ZNF560: variants seen among roughly 807,000 people sequenced by gnomAD.
ZNF560 encodes zinc finger protein 560.
Under a neutral mutation model 81.8 loss-of-function variants are expected in ZNF560, and 54 were observed. The observed-to-expected ratio is 0.66, with a 90% CI of 0.53 to 0.83. The LOEUF (loss-of-function observed/expected upper bound fraction) is 0.83, where lower values mean the gene tolerates loss of function less well. Ranked by LOEUF, ZNF560 falls within the 40% of genes least tolerant of loss-of-function variation. ZNF560 has a pLI of 0.00. For synonymous variants in ZNF560, 321 were observed against 317.9 expected, an observed-to-expected ratio of 1.01 and a Z score of -0.10; for missense variants, 940 against 932.4, an observed-to-expected ratio of 1.01 and a Z score of -0.11.
rs768519538 is a variant in ZNF560 at position 9,466,787 on chromosome 19, G to A, written c.2160C>T (p.Ala720=). The change falls in exon 10 of 10, where the codon GCC becomes GCT. Residue 720 remains alanine, a synonymous_variant. Transcript: ENST00000301480. Reference sequence around the variant, plus strand: ...TAGTAAGATCTGAATGACAAGTGAAGGCTTTCCCACAGTCCTTACATTTAT... The same window carrying A: ...TAGTAAGATCTGAATGACAAGTGAAAGCTTTCCCACAGTCCTTACATTTAT... ...KPYKCKDCGK[A]FTCHSDLTNH... is the part of the protein sequence containing the mutation. The A allele has an allele frequency of 6.2e-6, 10 of 1,613,984 alleles. No homozygotes were observed.
chr19:9,480,160 G>A (rs2073264279), intron 2 of ZNF560, among the ~76,000 whole-genome samples: 1 of 152,116 alleles, frequency 6.6e-6, no homozygotes, highest in South Asian at 2.1e-4. Flanking sequence ...TCCAACAGCA[G>A]CAAAATACAC....
Position 9,475,329 on chromosome 19 carries a change from T to A in ZNF560, c.-16A>T. 1 of 1,613,604 alleles carries A rather than the reference T, an allele frequency of 6.2e-7. No homozygotes were observed. The highest frequency in any genetic ancestry group is 8.5e-7 in the Non-Finnish European group (1 of 1,179,788). The stretch of plus-strand genomic sequence containing the variant: ...AGTAAGCCATCTTCCTTTCTGCCTC[T>A]GTCTTTTCTTCATGAAGGCAGATTG... On this transcript the variant is annotated 5_prime_UTR_variant, in exon 3 of 10. Transcript: ENST00000301480.
chr19:9,448,218 G>T, the ZNF560 span, among the ~76,000 whole-genome samples: 1 of 151,816 alleles, frequency 6.6e-6, no homozygotes, highest in Non-Finnish European at 1.5e-5. Flanking sequence ...GTTTTTGTGT[G>T]TGCGTGTGGC....
intron 2 of ZNF560, among the ~76,000 whole-genome samples, chr19:9,481,023 G>T (rs1375464440): frequency 6.6e-6 from 1 of 150,812 alleles, no homozygotes; most frequent in Non-Finnish European, 1.5e-5. Flanking sequence ...GAGAGAGGCT[G>T]CAGTGAGCTG....
At chr19:9,497,782 G>T (rs2073586182) in intron 2 of ZNF560, among the ~76,000 whole-genome samples, 1 of 152,102 alleles carries the variant, frequency 6.6e-6, no homozygotes, top group Non-Finnish European at 1.5e-5. Flanking sequence ...TGGTAAATTC[G>T]ATTATTCTAG....
chr19:9,479,639 T>C (rs1159338787), intron 2 of ZNF560, among the ~76,000 whole-genome samples: 2 of 151,802 alleles, frequency 1.3e-5, no homozygotes, highest in Non-Finnish European at 1.5e-5. Flanking sequence ...ATTGAAAATA[T>C]CCAGAAAAAA....
At chr19:9,486,679 G>A (rs538670128) in intron 2 of ZNF560, among the ~76,000 whole-genome samples, 1 of 151,868 alleles carries the variant, frequency 6.6e-6, no homozygotes, top group East Asian at 1.9e-4. Flanking sequence ...GGTGGAGGTT[G>A]CAGTGAGCCA....
chr19:9,465,561 C>T (rs563473203), downstream of ZNF560, among the ~76,000 whole-genome samples: 31 of 152,290 alleles, frequency 2.0e-4, no homozygotes, highest in Admixed American at 1.1e-3. Flanking sequence ...AGTGTAAGTT[C>T]TTTCCTATCT....
intron 8 of ZNF560, among the ~76,000 whole-genome samples, 187 bp from the exon 9 acceptor site, chr19:9,469,374 A>G (rs1056760766): frequency 3.3e-5 from 5 of 152,328 alleles, no homozygotes; most frequent in African/African-American, 1.2e-4. Context: ...AAGCAATACT[A>G]CCAGGGAAGG....
At chr19:9,484,800 G>A (rs2073358937) in intron 2 of ZNF560, among the ~76,000 whole-genome samples, 1 of 138,900 alleles carries the variant, frequency 7.2e-6, no homozygotes, top group Non-Finnish European at 1.6e-5. Flanking sequence ...AAGTAAATAA[G>A]TAAATAAATA....
chr19:9,458,414 C>T, the ZNF560 span, among the ~76,000 whole-genome samples: 26 of 152,304 alleles, frequency 1.7e-4, no homozygotes, highest in Non-Finnish European at 2.2e-4. Flanking sequence ...GTTTTTCAGA[C>T]GCCCTATACT....
chr19:9,478,391 T>A (rs946489082), intron 2 of ZNF560, among the ~76,000 whole-genome samples: 1 of 152,084 alleles, frequency 6.6e-6, no homozygotes, highest in East Asian at 1.9e-4. Context: ...CCAGACCTAA[T>A]AAGAAATGCT....
intron 7 of ZNF560, chr19:9,469,965 G>A (rs1041367438): frequency 8.3e-6 from 4 of 484,088 alleles, no homozygotes; most frequent in Non-Finnish European, 1.5e-5. Flanking sequence ...AATGGCAAAT[G>A]TTAAATACAA....
intron 2 of ZNF560, among the ~76,000 whole-genome samples, chr19:9,477,099 T>C (rs889380406): frequency 6.6e-6 from 1 of 152,282 alleles, no homozygotes; most frequent in South Asian, 2.1e-4. Context: ...TAAAACCCAC[T>C]AGAAATAGTA....
the ZNF560 span, among the ~76,000 whole-genome samples, chr19:9,452,489 T>G: frequency 6.6e-6 from 1 of 152,072 alleles, no homozygotes; most frequent in South Asian, 2.1e-4. Context: ...GGCAAAGACA[T>G]GGAATCAACC....
At chr19:9,449,974 C>CAA in the ZNF560 span, among the ~76,000 whole-genome samples, 195 of 43,058 alleles carry the variant, frequency 4.5e-3, 3 homozygotes, top group Non-Finnish European at 5.4e-3. Context: ...AACTCTGTCT[C>CAA]AAAAAAAAAA....
intron 2 of ZNF560, among the ~76,000 whole-genome samples, chr19:9,480,997 T>TTC (rs1176259718): frequency 6.7e-5 from 10 of 149,830 alleles, no homozygotes; most frequent in Non-Finnish European, 1.5e-4. Flanking sequence ...GGTAGGAGGA[T>TTC]AGCTTGAGCC....
the ZNF560 span, among the ~76,000 whole-genome samples, chr19:9,453,631 TAATA>T: frequency 4.7e-4 from 72 of 152,036 alleles, no homozygotes; most frequent in Middle Eastern, 0.017. Context: ...AATTGGAAAA[TAATA>T]AATAAAAACT....
rs377540136 is a variant in ZNF560, at chr19:9,470,349, A to G, written c.448+43T>C. ...AGAATACAGTAAGTACATAATTTGT[A>G]TCTTGTTCCAGAATAGGCTACAAGG... On this transcript the variant is annotated intron_variant, in intron 7 of 9. Transcript: ENST00000301480. 2.4e-5 allele frequency: 37 copies of G among 1,566,430 alleles called. No homozygotes were observed. In the African/African-American group the frequency reaches 2.4e-4, roughly 10 times the overall value.
Sources: gnomAD v4.1 joint callset for allele counts (sites outside exome capture counted in the v4.1 genomes callset) on GRCh38, gnomAD v4.1.1 for gene constraint, MANE v1.5 for transcripts, NCBI Gene and HGNC (gene_info 2026-07-23, HGNC 2026-07-21) for gene names.